Variants in DYM observed in about 807,000 individuals in gnomAD.
DYM encodes dyggve-Melchior-Clausen syndrome protein.
Under a neutral mutation model 93.1 loss-of-function variants are expected in DYM, and 78 were observed. The ratio of observed to expected loss-of-function variants is 0.84; its 90% confidence interval spans 0.70 to 1.01. The LOEUF is 1.01. Among genes scored for constraint, DYM ranks in the 50% least tolerant of loss-of-function variants. The pLI is 0.00. For missense variants in DYM, 789 were observed against 845.0 expected, an observed-to-expected ratio of 0.93 and a Z score of 0.82; for synonymous variants, 321 against 319.7, an observed-to-expected ratio of 1.00 and a Z score of -0.04.
At chr18:49,339,380 A>G (rs2063914664) in intron 6 of DYM, among the ~76,000 whole-genome samples, 2 of 152,226 alleles carry the variant, frequency 1.3e-5, no homozygotes, top group Admixed American at 1.3e-4. Context: ...CTCACAGAAT[A>G]CAACAAAAGT....
intron 8 of DYM, among the ~76,000 whole-genome samples, chr18:49,316,764 CTTTT>C (rs149932329): frequency 6.7e-6 from 1 of 149,084 alleles, no homozygotes; most frequent in African/African-American, 2.5e-5. Flanking sequence ...TACTATCTCT[CTTTT>C]TTTTTTGCAC....
chr18:49,286,470 A>G lies in DYM; in HGVS notation c.910T>C (p.Tyr304His). 1 of 1,614,200 alleles carries G rather than the reference A, an allele frequency of 6.2e-7. No individual in the cohort carries two copies. The highest frequency in any genetic ancestry group is 8.5e-7 in the Non-Finnish European group (1 of 1,179,998). The change falls in exon 9 of 18, where the codon TAC (tyrosine) becomes CAC (histidine). Residue 304 changes from tyrosine to histidine, a missense_variant. Physicochemically the swap from Tyr to His is moderately conservative, Grantham distance 83 (BLOSUM62 2). Coordinates refer to ENST00000675505, the MANE Select transcript of DYM (RefSeq NM_001353214.3). ...LTDASDAPNPYRQAIMSFKNT... is the reference protein window; with the variant it reads ...LTDASDAPNPHRQAIMSFKNT... ...TTGAAGGACATAATGGCTTGTCTGT[A>G]GGGGTTTGGCGCATCTGAGGCATCT...
At chr18:49,223,782 A>G (rs1223711337) in intron 13 of DYM, among the ~76,000 whole-genome samples, 1 of 152,142 alleles carries the variant, frequency 6.6e-6, no homozygotes, top group Admixed American at 6.6e-5. Flanking sequence ...AATTACAAGC[A>G]AAGGAAAAAG....
At chr18:49,430,076 T>C (rs2074662781) in intron 2 of DYM, among the ~76,000 whole-genome samples, 179 bp downstream of exon 2, 1 of 152,164 alleles carries the variant, frequency 6.6e-6, no homozygotes, top group African/African-American at 2.4e-5. Flanking sequence ...GGCTACTGAG[T>C]TGGGTAAAAA....
intron 17 of DYM, among the ~76,000 whole-genome samples, chr18:49,083,625 G>C (rs1352204020): frequency 6.6e-6 from 1 of 152,124 alleles, no homozygotes; most frequent in African/African-American, 2.4e-5. Context: ...AGACATATGA[G>C]CCTGTGTTCT....
chr18:49,263,320 T>C (rs976955260), intron 11 of DYM, among the ~76,000 whole-genome samples: 1 of 151,820 alleles, frequency 6.6e-6, no homozygotes, highest in Admixed American at 6.6e-5. Context: ...GGTTTCCCCA[T>C]GTTCGCCAGG....
chr18:49,246,068 T>C (rs1445342652), intron 13 of DYM, among the ~76,000 whole-genome samples: 1 of 152,222 alleles, frequency 6.6e-6, no homozygotes, highest in Non-Finnish European at 1.5e-5. Context: ...AGTCCCAGTT[T>C]GTAAAGGAGG....
At chr18:49,192,095 ATTTTTT>A (rs55967928) in intron 14 of DYM, among the ~76,000 whole-genome samples, 1 of 68,290 alleles carries the variant, frequency 1.5e-5, no homozygotes, top group Admixed American at 1.9e-4. Flanking sequence ...TGCCTGGCTA[ATTTTTT>A]TTTTTTTTTT....
chr18:49,451,168 G>A (rs2082489265), intron 1 of DYM, among the ~76,000 whole-genome samples: 2 of 152,170 alleles, frequency 1.3e-5, no homozygotes, highest in Admixed American at 6.5e-5. Flanking sequence ...ATTGAGTAAG[G>A]TATACTCCTG....
chr18:49,204,996 T>C (rs1332205106), intron 14 of DYM, among the ~76,000 whole-genome samples: 1 of 152,250 alleles, frequency 6.6e-6, no homozygotes, highest in African/African-American at 2.4e-5. Context: ...AGTCTCACTC[T>C]GTTGCTCAGG....
intron 14 of DYM, among the ~76,000 whole-genome samples, chr18:49,172,017 C>T (rs1157097988): frequency 2.0e-5 from 3 of 152,148 alleles, no homozygotes; most frequent in African/African-American, 7.2e-5. Flanking sequence ...CTCTTTTACA[C>T]TCAATCTCCT....
chr18:49,401,880 G>T (rs183948337), intron 2 of DYM, among the ~76,000 whole-genome samples: 2 of 152,088 alleles, frequency 1.3e-5, no homozygotes, highest in East Asian at 3.9e-4. Flanking sequence ...ACAAAAATTA[G>T]CTGAGTGTGG....
chr18:49,173,390 C>G (rs148775703), intron 14 of DYM, among the ~76,000 whole-genome samples: 4 of 152,200 alleles, frequency 2.6e-5, no homozygotes, highest in African/African-American at 9.6e-5. Flanking sequence ...AGATCAATTT[C>G]AGGATCTTAA....
At chr18:49,151,015 T>C (rs190379074) in intron 15 of DYM, among the ~76,000 whole-genome samples, 53 of 152,336 alleles carry the variant, frequency 3.5e-4, no homozygotes, top group Admixed American at 7.8e-4. Flanking sequence ...ATTCCAATCA[T>C]GGAATGACCT....
chr18:49,306,150 C>G (rs2146270095), intron 8 of DYM, among the ~76,000 whole-genome samples: 1 of 152,130 alleles, frequency 6.6e-6, no homozygotes. Context: ...TCTAGGAGAC[C>G]AAGATACATG....
At chr18:49,062,652 A>G (rs1038319660) in intron 17 of DYM, among the ~76,000 whole-genome samples, 3 of 152,200 alleles carry the variant, frequency 2.0e-5, no homozygotes, top group African/African-American at 7.2e-5. Flanking sequence ...GCTGTTTGCC[A>G]TTTGTTCTCC....
chr18:49,090,163 G>C (rs949683271), intron 17 of DYM, among the ~76,000 whole-genome samples: 10 of 152,222 alleles, frequency 6.6e-5, no homozygotes, highest in Non-Finnish European at 8.8e-5. Context: ...GGAGGCAGAA[G>C]TAACTTATAA....
chr18:49,256,556 T>A (rs986375584), intron 13 of DYM, among the ~76,000 whole-genome samples: 1 of 152,216 alleles, frequency 6.6e-6, no homozygotes, highest in Non-Finnish European at 1.5e-5. Context: ...AATTTTAAAA[T>A]GACCAGTTTG....
At chr18:49,456,405 G>A (rs1337832188) in intron 1 of DYM, among the ~76,000 whole-genome samples, 1 of 152,134 alleles carries the variant, frequency 6.6e-6, no homozygotes, top group African/African-American at 2.4e-5. Flanking sequence ...AGGGTTGCAT[G>A]ACATATTTTG....
Sources: gnomAD v4.1 joint callset for allele counts (sites outside exome capture counted in the v4.1 genomes callset) on GRCh38, gnomAD v4.1.1 for gene constraint, MANE v1.5 for transcripts, NCBI Gene and HGNC (gene_info 2026-07-23, HGNC 2026-07-21) for gene names.